CARMIL1: variants seen among roughly 807,000 people sequenced by gnomAD.
CARMIL1 encodes F-actin-uncapping protein LRRC16A.
Under a neutral mutation model 177.1 loss-of-function variants are expected in CARMIL1, and 90 were observed. That is an observed-to-expected ratio of 0.51 (90% CI 0.43 to 0.61). CARMIL1 has a LOEUF of 0.61. CARMIL1 is among the 20% of genes least tolerant of loss of function. CARMIL1 has a pLI of 0.00. For synonymous variants in CARMIL1, 577 were observed against 606.2 expected (o/e 0.95, Z 0.71); for missense variants, 1,380 against 1,667.0 (o/e 0.83, Z 3.00).
chr6:25,439,817 C>T (rs1005550836), intron 5 of CARMIL1, among the ~76,000 whole-genome samples: 4 of 152,040 alleles, frequency 2.6e-5, no homozygotes, highest in Non-Finnish European at 5.9e-5. Context: ...TGAGGGATTA[C>T]GGGGGATTTC....
At chr6:25,442,464 G>A (rs1305403102) in intron 5 of CARMIL1, among the ~76,000 whole-genome samples, 1 of 141,388 alleles carries the variant, frequency 7.1e-6, no homozygotes, top group Non-Finnish European at 1.6e-5. Flanking sequence ...CAGTGTGTGT[G>A]TGTATGTGTG....
rs544662923 is a variant in CARMIL1 at position 25,474,574 on chromosome 6, C to T, written c.874+2053C>T. 6.6e-5 allele frequency among the ~76,000 whole-genome samples: 10 copies of T among 152,262 alleles called. No individual in the cohort carries two copies. The South Asian group carries it at 1.7e-3, about 25-fold the overall frequency. The stretch of plus-strand genomic sequence containing the variant: ...GTCATCATCTAAAGTAGTGAATCTA[C>T]AGGAAGGTTGAGACTGAATTAGAAA... On this transcript the variant is annotated intron_variant, in intron 11 of 36. Transcript: ENST00000329474.
intron 11 of CARMIL1, among the ~76,000 whole-genome samples, chr6:25,481,400 A>G (rs747321955): frequency 6.6e-6 from 1 of 152,188 alleles, no homozygotes; most frequent in African/African-American, 2.4e-5. Context: ...TTGGGGTTAT[A>G]TAAGGGCAGC....
chr6:25,347,211 T>A (rs1215391091), intron 2 of CARMIL1, among the ~76,000 whole-genome samples: 1 of 152,204 alleles, frequency 6.6e-6, no homozygotes, highest in African/African-American at 2.4e-5. Flanking sequence ...CAGTTCTACC[T>A]CTCTTGTTTG....
At chr6:25,571,830 G>A (rs576074176) in intron 29 of CARMIL1, among the ~76,000 whole-genome samples, 3 of 152,254 alleles carry the variant, frequency 2.0e-5, no homozygotes, top group South Asian at 2.1e-4. Flanking sequence ...TGAAACAATC[G>A]GCCTGGATTT....
chr6:25,529,755 CAAAAAAAAAAAA>C (rs70977217), intron 24 of CARMIL1, among the ~76,000 whole-genome samples: 105 of 33,570 alleles, frequency 3.1e-3, no homozygotes, highest in African/African-American at 6.8e-3. Context: ...ACTCCGTCTC[CAAAAAAAAAAAA>C]AAAAAAAAAA....
rs917899092 is a variant in CARMIL1 at position 25,554,227 on chromosome 6, G to C, written c.2592+131G>C. 5.8e-6 allele frequency: 4 copies of C among 685,184 alleles called. No individual in the cohort carries two copies. The Admixed American group carries it at 9.1e-5, about 16-fold the overall frequency. 42.4% of individuals were successfully genotyped at this position (685,184 alleles called of 1,614,324 possible). On this transcript the variant is annotated intron_variant, in intron 28 of 36. Transcript: ENST00000329474. This position sits in a 1 kb window ranked among gnomAD's most constrained non-coding sequence, Gnocchi z 4.6. ...TTACAGCTTTATGGTTTGTGATCTT[G>C]GTTTTCCTCCTTTCTCTTCTATGTT... is the stretch of plus-strand genomic sequence containing the variant.
chr6:25,518,164 T>C (rs1481767319), intron 22 of CARMIL1, among the ~76,000 whole-genome samples: 1 of 152,184 alleles, frequency 6.6e-6, no homozygotes, highest in African/African-American at 2.4e-5. Flanking sequence ...ATGCTCATTA[T>C]TTTGTGTTTT....
At chr6:25,520,962 T>G (rs983056643) in intron 23 of CARMIL1, among the ~76,000 whole-genome samples, 36 of 152,150 alleles carry the variant, frequency 2.4e-4, no homozygotes, top group African/African-American at 8.7e-4. Flanking sequence ...TTAGATGTGC[T>G]CAAATATTTC....
At chr6:25,304,857 G>A (rs1393083329) in intron 2 of CARMIL1, among the ~76,000 whole-genome samples, 1 of 152,186 alleles carries the variant, frequency 6.6e-6, no homozygotes, top group Non-Finnish European at 1.5e-5. Flanking sequence ...CTATTATGAG[G>A]CAGAGCATTT....
At chr6:25,281,156 A>G (rs1487119864) in intron 1 of CARMIL1, among the ~76,000 whole-genome samples, 51 of 150,284 alleles carry the variant, frequency 3.4e-4, no homozygotes, top group Middle Eastern at 3.4e-3. Flanking sequence ...ACACACACAC[A>G]CACACACACA....
intron 2 of CARMIL1, among the ~76,000 whole-genome samples, chr6:25,380,712 T>C (rs1791441200): frequency 1.3e-5 from 2 of 152,244 alleles, no homozygotes; most frequent in South Asian, 4.1e-4. Context: ...ACAACAGGCC[T>C]GTCTTTATTA....
intron 2 of CARMIL1, among the ~76,000 whole-genome samples, chr6:25,314,472 C>CA (rs71544634): frequency 0.13 from 15,089 of 114,924 alleles, 1,258 homozygotes; most frequent in African/African-American, 0.28. Flanking sequence ...GATTCTGTCT[C>CA]AAAAAAAAAA....
chr6:25,398,351 A>G (rs9295656), intron 2 of CARMIL1, among the ~76,000 whole-genome samples: 67,000 of 151,988 alleles, frequency 0.44, 15,027 homozygotes, highest in Middle Eastern at 0.59. Context: ...GAAAACTCAC[A>G]AATAGAGAAA....
chr6:25,445,704 T>C (rs916203199), intron 5 of CARMIL1, among the ~76,000 whole-genome samples: 1 of 151,876 alleles, frequency 6.6e-6, no homozygotes, highest in African/African-American at 2.4e-5. Flanking sequence ...CCGGCTAATT[T>C]TTTTTTTGTA....
chr6:25,426,305 T>G (rs940115959), intron 3 of CARMIL1, among the ~76,000 whole-genome samples, 196 bp from the exon 4 acceptor site: 2 of 152,188 alleles, frequency 1.3e-5, no homozygotes, highest in African/African-American at 2.4e-5. Context: ...TTCTGAAATT[T>G]GATAAATCAT....
intron 16 of CARMIL1, among the ~76,000 whole-genome samples, chr6:25,498,539 C>A (rs904274935): frequency 6.6e-6 from 1 of 152,124 alleles, no homozygotes; most frequent in African/African-American, 2.4e-5. Flanking sequence ...GGCCTTAATT[C>A]ACATGTGAGA....
intron 2 of CARMIL1, among the ~76,000 whole-genome samples, chr6:25,290,788 C>G (rs902681181): frequency 3.3e-5 from 5 of 151,352 alleles, no homozygotes; most frequent in Admixed American, 2.6e-4. Context: ...CTGAAATCCA[C>G]CCCCCCGGCC....
intron 29 of CARMIL1, among the ~76,000 whole-genome samples, 175 bp downstream of exon 29, chr6:25,557,025 G>A (rs550591492): frequency 1.3e-5 from 2 of 151,724 alleles, no homozygotes; most frequent in South Asian, 4.2e-4. Context: ...GAATAAAGCT[G>A]AAGCTTCAGC....
Sources: gnomAD v4.1 joint callset for allele counts (sites outside exome capture counted in the v4.1 genomes callset) on GRCh38, gnomAD v4.1.1 for gene constraint, Gnocchi (gnomAD v3.1) non-coding constraint, MANE v1.5 for transcripts, NCBI Gene and HGNC (gene_info 2026-07-23, HGNC 2026-07-21) for gene names.